XRN1: variants seen among roughly 807,000 people sequenced by gnomAD.
XRN1 encodes 5'-3' exoribonuclease 1, also known as strand-exchange protein 1 homolog.
Under a neutral mutation model 222.3 loss-of-function variants are expected in XRN1, and 67 were observed. The observed-to-expected ratio is 0.30, with a 90% CI of 0.25 to 0.37. The LOEUF (loss-of-function observed/expected upper bound fraction) is 0.37, where lower values mean the gene tolerates loss of function less well. Among genes scored for constraint, XRN1 ranks in the 10% least tolerant of loss-of-function variants. XRN1 has a pLI of 1.00. For synonymous variants in XRN1, 643 were observed against 652.4 expected (o/e 0.99, Z 0.22); for missense variants, 1,707 against 2,000.2 (o/e 0.85, Z 2.80).
intron 27 of XRN1, among the ~76,000 whole-genome samples, chr3:142,365,949 ATGG>A (rs1485294435): frequency 1.3e-4 from 20 of 152,314 alleles, no homozygotes; most frequent in Admixed American, 1.3e-3. Context: ...TATAAAAATT[ATGG>A]TGGCATTCAT....
chr3:142,352,933 C>T (rs184442483), intron 32 of XRN1, among the ~76,000 whole-genome samples: 97 of 152,280 alleles, frequency 6.4e-4, no homozygotes, highest in South Asian at 1.5e-3. Context: ...CATGAGCCAC[C>T]ACGCCTCGCC....
chr3:142,413,920 T>C (rs959369842), intron 14 of XRN1, among the ~76,000 whole-genome samples: 1 of 152,256 alleles, frequency 6.6e-6, no homozygotes, highest in African/African-American at 2.4e-5. Context: ...AGCCAGGCTC[T>C]GAATGATTTA....
At chr3:142,360,010 G>T in intron 29 of XRN1, 79 bp from the exon 30 acceptor site, 1 of 894,580 alleles carries the variant, frequency 1.1e-6, no homozygotes. Context: ...TGGAGTGTTT[G>T]GAAGTATTTA....
At chr3:142,381,127 A>C (rs1471496744) in intron 22 of XRN1, among the ~76,000 whole-genome samples, 1 of 152,058 alleles carries the variant, frequency 6.6e-6, no homozygotes, top group African/African-American at 2.4e-5. Context: ...AAAGAAAAGA[A>C]AAAAAATTTA....
chr3:142,332,981 G>C lies in XRN1; in HGVS notation c.4048C>G (p.Gln1350Glu). 1 of 1,613,456 alleles carries C rather than the reference G, an allele frequency of 6.2e-7. No homozygotes were observed. The highest frequency in any genetic ancestry group is 8.5e-7 in the Non-Finnish European group (1 of 1,179,674). Residue 1350 changes from glutamine to glutamate, a missense_variant, in exon 35 of 41, where the codon CAG (glutamine) becomes GAG (glutamate). Gln to Glu is a conservative substitution (Grantham distance 29). Transcript: ENST00000392981. The part of the protein sequence containing the change: ...EPPSEEHLSP[Q>E]SFAMKGTRML... ...AAAATACGAACCATGGCAAATGACT[G>C]TGGTGACAAATGCTCTTCACTTGGA...
At chr3:142,380,547 G>A (rs1218857056) in intron 22 of XRN1, among the ~76,000 whole-genome samples, 1 of 152,110 alleles carries the variant, frequency 6.6e-6, no homozygotes, top group Non-Finnish European at 1.5e-5. Flanking sequence ...AGGCTAAAGT[G>A]GTGGGATCAC....
intron 37 of XRN1, among the ~76,000 whole-genome samples, chr3:142,319,153 T>A (rs887455598): frequency 2.6e-5 from 4 of 152,196 alleles, no homozygotes; most frequent in Non-Finnish European, 4.4e-5. Flanking sequence ...AGCAAAACTG[T>A]TTTCTTTATA....
At chr3:142,353,121 A>C (rs1440767818) in intron 32 of XRN1, among the ~76,000 whole-genome samples, 1 of 152,232 alleles carries the variant, frequency 6.6e-6, no homozygotes, top group Non-Finnish European at 1.5e-5. Context: ...TAAGATAACC[A>C]ACTACCAGCA....
intron 23 of XRN1, among the ~76,000 whole-genome samples, chr3:142,379,099 A>T (rs2067225781): frequency 7.3e-6 from 1 of 136,294 alleles, no homozygotes; most frequent in South Asian, 2.3e-4. Flanking sequence ...CATCTCTACT[A>T]AAAAAAAAAA....
At position 142,383,411 on chromosome 3, in the gene XRN1, G is replaced by A. The variant is rs2107940757; in HGVS notation, c.2505C>T (p.Asp835=). 3 of 1,606,356 alleles carry A rather than the reference G, an allele frequency of 1.9e-6. No homozygotes were observed. In the East Asian group the frequency reaches 6.7e-5, roughly 36 times the overall value. The change falls in exon 22 of 41, where the codon GAC becomes GAT. Residue 835 remains aspartate (D), a splice_region_variant and synonymous_variant. Coordinates refer to ENST00000392981, the MANE Select transcript of XRN1 (RefSeq NM_001282857.2). ...VPFVYQTIVK[D]IRAFDSRFSN... ...AGAAACGGGAGTCGAAAGCTCGGAT[G>A]TCCTACATAAAATAAAAGTAAATAA...
chr3:142,429,179 A>C (rs2069404625), intron 2 of XRN1, among the ~76,000 whole-genome samples: 2 of 123,108 alleles, frequency 1.6e-5, no homozygotes, highest in African/African-American at 3.2e-5. Context: ...ACAGAGTTTC[A>C]CTCTGTCGCC....
At position 142,375,921 on chromosome 3, in the gene XRN1, T is replaced by C; in HGVS notation, c.2855A>G (p.Asn952Ser). The C allele has an allele frequency of 1.2e-6, 2 of 1,613,634 alleles. No individual in the cohort carries two copies. The highest frequency in any genetic ancestry group is 1.7e-6 in the Non-Finnish European group (2 of 1,179,846). Residue 952 changes from asparagine (N) to serine (S), a missense_variant, in exon 25 of 41, where the codon AAT becomes AGT. Physicochemically the swap from Asn to Ser is conservative, Grantham distance 46 (BLOSUM62 1). Coordinates refer to ENST00000392981, the MANE Select transcript of XRN1 (RefSeq NM_001282857.2). ...RRNPHGDHKA[N>S]VGLNLKFNKK... ...GTTGAATTTGAGATTTAAACCCACATTTGCTTTATGGTCTCCATGAGGGCT... is the reference window on the plus strand; with the variant it reads ...GTTGAATTTGAGATTTAAACCCACACTTGCTTTATGGTCTCCATGAGGGCT...
chr3:142,391,749 A>AATATATAT (rs56952263), intron 20 of XRN1, among the ~76,000 whole-genome samples: 2 of 103,440 alleles, frequency 1.9e-5, no homozygotes, highest in African/African-American at 7.1e-5. Flanking sequence ...AAAAAAAAAA[A>AATATATAT]ATATATATAT....
In XRN1 at chr3:142,412,571, A is replaced by T; in HGVS notation, c.1686T>A (p.Ala562=). Residue 562 remains alanine (A), a synonymous_variant, in exon 15 of 41, where the codon GCT becomes GCA. Coordinates refer to ENST00000392981, the MANE Select transcript of XRN1 (RefSeq NM_001282857.2). ...DLNGKQQEWE[A]VVLIPFIDEK... is the part of the protein sequence containing the mutation. ...CATCAATAAAAGGGATTAACACCACAGCTTCCCATTCCTGTTGTTTCCCAT... is the reference window on the plus strand; with the variant it reads ...CATCAATAAAAGGGATTAACACCACTGCTTCCCATTCCTGTTGTTTCCCAT... 1.2e-6 allele frequency: 2 copies of T among 1,608,102 alleles called. No homozygotes were observed. Among genetic ancestry groups the T allele is most frequent in the East Asian group, 4.5e-5 (2 of 44,716 alleles).
chr3:142,431,416 C>T (rs981542341), intron 2 of XRN1, among the ~76,000 whole-genome samples: 43 of 152,134 alleles, frequency 2.8e-4, no homozygotes, highest in African/African-American at 1.0e-3. Flanking sequence ...CGTGGTGGCT[C>T]ACACCTGTAA....
intron 2 of XRN1, among the ~76,000 whole-genome samples, chr3:142,432,142 T>C (rs2069634743): frequency 8.6e-6 from 1 of 116,092 alleles, no homozygotes; most frequent in East Asian, 2.1e-4. Flanking sequence ...ATATATAAAA[T>C]ATATAATATA....
intron 20 of XRN1, among the ~76,000 whole-genome samples, chr3:142,394,791 T>C (rs1255420082): frequency 6.6e-6 from 1 of 152,208 alleles, no homozygotes; most frequent in Non-Finnish European, 1.5e-5. Context: ...CTCAATCCTA[T>C]ATCCTTCTTT....
At chr3:142,397,169 AG>A (rs2067961289) in intron 20 of XRN1, among the ~76,000 whole-genome samples, 159 bp downstream of exon 20, 1 of 152,232 alleles carries the variant, frequency 6.6e-6, no homozygotes. Flanking sequence ...ACTGCTAATC[AG>A]GTATCATTTT....
chr3:142,355,311 C>T, intron 32 of XRN1, 90 bp downstream of exon 32: 1 of 630,984 alleles, frequency 1.6e-6, no homozygotes, highest in Non-Finnish European at 2.4e-6. Context: ...TATGAGATGT[C>T]ACAGAAAAAT....
Sources: allele counts gnomAD v4.1 joint callset (sites outside exome capture counted in the v4.1 genomes callset), GRCh38; gene constraint gnomAD v4.1.1; transcripts MANE v1.5; gene names NCBI Gene and HGNC (gene_info 2026-07-23, HGNC 2026-07-21).